SLC35F1: variants seen among roughly 807,000 people sequenced by gnomAD.
SLC35F1 encodes the protein chromosome 6 open reading frame 169.
A neutral mutation model predicts 48.7 loss-of-function variants in SLC35F1; 14 were observed. That is an observed-to-expected ratio of 0.29 (90% CI 0.19 to 0.45). The LOEUF (loss-of-function observed/expected upper bound fraction) is 0.45, where lower values mean the gene tolerates loss of function less well. SLC35F1 is among the 20% of genes least tolerant of loss of function. The pLI, the probability that SLC35F1 is intolerant of heterozygous loss-of-function variation, is 1.00. For synonymous variants in SLC35F1, 190 were observed against 202.2 expected (o/e 0.94, Z 0.51); for missense variants, 404 against 500.0 (o/e 0.81, Z 1.83).
At position 118,290,339 on chromosome 6, in the gene SLC35F1, A is replaced by G. The variant is rs59944934; in HGVS notation, c.1002+5001A>G. Among the ~76,000 whole-genome samples, 1,475 of 152,248 alleles carry G rather than the reference A, an allele frequency of 9.7e-3. 26 individuals are homozygous for G. Among genetic ancestry groups the G allele is most frequent in the African/African-American group, 0.034 (1,403 of 41,548 alleles). On this transcript the variant is annotated intron_variant, in intron 7 of 7. Coordinates refer to ENST00000360388, the MANE Select transcript of SLC35F1 (RefSeq NM_001029858.4). The stretch of plus-strand genomic sequence containing the variant: ...CAAGAGCCCTGCACAGAAGCAGTAC[A>G]TGCAAAGCCCTGTTAATATCATGAC...
At chr6:118,045,925 G>T (rs1261561322) in intron 1 of SLC35F1, among the ~76,000 whole-genome samples, 2 of 151,422 alleles carry the variant, frequency 1.3e-5, no homozygotes, top group African/African-American at 4.8e-5. Flanking sequence ...TTGACCCCAA[G>T]ATCAGTTTGC....
At position 118,281,198 on chromosome 6, in the gene SLC35F1, C is replaced by CTA. The variant is rs1349203619; in HGVS notation, c.847+3653_847+3654insAT. 6.5e-3 allele frequency among the ~76,000 whole-genome samples: 794 copies of CTA among 121,890 alleles called. 6 individuals carry two copies. The highest frequency in any genetic ancestry group is 0.023 in the Middle Eastern group (5 of 222). 80.0% of individuals were successfully genotyped at this position (121,890 alleles called of 152,430 possible). ...TAACTCTCTCTCTCTCTCTCTCTCT[C>CTA]TCTCTCTATATATATATATATATAA... On this transcript the variant is annotated intron_variant, in intron 6 of 7. Coordinates refer to ENST00000360388, the MANE Select transcript of SLC35F1 (RefSeq NM_001029858.4).
rs187367907 is a variant in SLC35F1, at chr6:118,221,242, G to A, written c.350-14267G>A. Among the ~76,000 whole-genome samples the A allele has an allele frequency of 2.0e-5, 3 of 152,240 alleles. No homozygotes were observed. The East Asian group carries it at 5.8e-4, about 29-fold the overall frequency. On this transcript the variant is annotated intron_variant, in intron 2 of 7. Coordinates refer to ENST00000360388, the MANE Select transcript of SLC35F1 (RefSeq NM_001029858.4). ...CAAAAGGTCCTCTATAAGGACTTTT[G>A]TGGTCCAAGCATAGATCGCTTTGTC... is the stretch of plus-strand genomic sequence containing the variant.
chr6:118,192,762 C>T (rs906866269), intron 2 of SLC35F1, among the ~76,000 whole-genome samples: 2 of 152,090 alleles, frequency 1.3e-5, no homozygotes, highest in East Asian at 1.9e-4. Flanking sequence ...CAATGCTTCC[C>T]TTATAACTTA....
intron 3 of SLC35F1, among the ~76,000 whole-genome samples, chr6:118,261,518 G>A (rs1422666645): frequency 1.3e-5 from 2 of 152,184 alleles, no homozygotes; most frequent in African/African-American, 4.8e-5. Context: ...GTAACAGAAT[G>A]CAGGTCAGCA....
rs544770230 is a variant in SLC35F1 at position 117,993,169 on chromosome 6, G to C, written c.173+85270G>C. 3.9e-4 allele frequency among the ~76,000 whole-genome samples: 60 copies of C among 152,170 alleles called. 2 individuals are homozygous for C. The South Asian group carries it at 0.012, about 32-fold the overall frequency. On this transcript the variant is annotated intron_variant, in intron 1 of 7. Transcript: ENST00000360388. The stretch of plus-strand genomic sequence containing the variant: ...GAAACATGCTCTTTCTGCCCTCATG[G>C]GTGCCTGGCCAGAGCTGGGGCATAG...
intron 1 of SLC35F1, among the ~76,000 whole-genome samples, chr6:118,073,151 C>A (rs938454361): frequency 6.6e-6 from 1 of 152,126 alleles, no homozygotes; most frequent in African/African-American, 2.4e-5. Context: ...GAGGGAGATG[C>A]AAAACGGAAG....
chr6:117,911,162 C>T (rs973839412), intron 1 of SLC35F1, among the ~76,000 whole-genome samples: 4 of 151,992 alleles, frequency 2.6e-5, no homozygotes, highest in African/African-American at 9.7e-5. Context: ...ATATTCAAGA[C>T]TTGGTGAAAG....
intron 1 of SLC35F1, among the ~76,000 whole-genome samples, chr6:118,151,940 C>G: frequency 6.6e-6 from 1 of 152,098 alleles, no homozygotes; most frequent in Non-Finnish European, 1.5e-5. Flanking sequence ...CTCCTCTGCA[C>G]TGTCTTTGAA....
chr6:117,949,564 A>T (rs1776336643), intron 1 of SLC35F1, among the ~76,000 whole-genome samples: 1 of 152,110 alleles, frequency 6.6e-6, no homozygotes, highest in Non-Finnish European at 1.5e-5. Flanking sequence ...GACCCTTTCC[A>T]GCAGTCCACG....
chr6:118,051,341 A>G (rs1772388203), intron 1 of SLC35F1, among the ~76,000 whole-genome samples: 1 of 152,160 alleles, frequency 6.6e-6, no homozygotes, highest in Non-Finnish European at 1.5e-5. Context: ...CTCATTGTGG[A>G]GCCAGCTCTC....
intron 1 of SLC35F1, among the ~76,000 whole-genome samples, chr6:117,977,534 A>G (rs1345319163): frequency 6.6e-6 from 1 of 151,872 alleles, no homozygotes; most frequent in African/African-American, 2.4e-5. Context: ...TTCTGTGTTC[A>G]TTGTCCATTT....
chr6:118,053,617 C>T (rs1437130083), intron 1 of SLC35F1, among the ~76,000 whole-genome samples: 2 of 152,070 alleles, frequency 1.3e-5, no homozygotes, highest in Non-Finnish European at 2.9e-5. Flanking sequence ...TTATTTTTCA[C>T]TTAATGGTGT....
intron 7 of SLC35F1, among the ~76,000 whole-genome samples, chr6:118,295,705 A>G (rs1776175109): frequency 6.6e-6 from 1 of 152,190 alleles, no homozygotes; most frequent in Non-Finnish European, 1.5e-5. Context: ...TCTTGTATGT[A>G]AAAATGACAT....
chr6:118,291,006 C>G (rs1157988657), intron 7 of SLC35F1, among the ~76,000 whole-genome samples: 2 of 151,888 alleles, frequency 1.3e-5, no homozygotes, highest in Non-Finnish European at 2.9e-5. Flanking sequence ...TGTTGGCCAG[C>G]CTGGTCTCGA....
intron 1 of SLC35F1, among the ~76,000 whole-genome samples, chr6:118,073,829 C>G (rs1441579353): frequency 6.6e-6 from 1 of 152,038 alleles, no homozygotes; most frequent in Non-Finnish European, 1.5e-5. Context: ...TAGCATAAGA[C>G]AAATTAGTCT....
chr6:118,252,855 C>T (rs531844223), intron 3 of SLC35F1, among the ~76,000 whole-genome samples: 1 of 152,088 alleles, frequency 6.6e-6, no homozygotes, highest in African/African-American at 2.4e-5. Flanking sequence ...GGAAGTGTGA[C>T]CCCTGGATAT....
At chr6:118,204,279 A>G (rs1774906566) in intron 2 of SLC35F1, among the ~76,000 whole-genome samples, 1 of 152,082 alleles carries the variant, frequency 6.6e-6, no homozygotes, top group South Asian at 2.1e-4. Flanking sequence ...ACAGCATGAT[A>G]AGGAAGTGAA....
intron 1 of SLC35F1, among the ~76,000 whole-genome samples, chr6:117,971,194 C>T (rs1279864627): frequency 2.0e-5 from 3 of 152,206 alleles, no homozygotes; most frequent in South Asian, 2.1e-4. Flanking sequence ...CTACAGGCCT[C>T]GTGCAAGTCC....
Sources: gnomAD v4.1 joint callset for allele counts (sites outside exome capture counted in the v4.1 genomes callset) on GRCh38, gnomAD v4.1.1 for gene constraint, MANE v1.5 for transcripts, NCBI Gene and HGNC (gene_info 2026-07-23, HGNC 2026-07-21) for gene names.